PRKCE: variants seen among roughly 807,000 people sequenced by gnomAD.
PRKCE encodes the protein protein kinase C epsilon type.
A neutral mutation model predicts 85.4 loss-of-function variants in PRKCE; 16 were observed. The ratio of observed to expected loss-of-function variants is 0.19; its 90% CI spans 0.13 to 0.28. The LOEUF is 0.28. PRKCE is among the 10% of genes least tolerant of loss of function. PRKCE has a pLI of 1.00. For synonymous variants in PRKCE, 388 were observed against 371.5 expected, an observed-to-expected ratio of 1.04 and a Z score of -0.51; for missense variants, 573 against 975.2, an observed-to-expected ratio of 0.59 and a Z score of 5.49.
rs142545889 is a variant in PRKCE, at chr2:45,942,537, G to C, written c.413-33892G>C. On this transcript the variant is annotated intron_variant, in intron 2 of 14. Coordinates refer to ENST00000306156, the MANE Select transcript of PRKCE (RefSeq NM_005400.3). Reference sequence around the variant, plus strand: ...AGCCGTTGTGATGTGAAAGGTCCCTGTGGCTCTCATGAGGGGAACAGCAGG... The same window carrying C: ...AGCCGTTGTGATGTGAAAGGTCCCTCTGGCTCTCATGAGGGGAACAGCAGG... Among the ~76,000 whole-genome samples the C allele has an allele frequency of 5.8e-3, 888 of 152,328 alleles. 1 individual carries two copies. The highest frequency in any genetic ancestry group is 9.7e-3 in the Non-Finnish European group (658 of 68,026).
At chr2:46,101,445 A>G (rs12616930) in intron 11 of PRKCE, among the ~76,000 whole-genome samples, 40,594 of 152,078 alleles carry the variant, frequency 0.27, 5,636 homozygotes, top group South Asian at 0.42. Flanking sequence ...TGGCCCAAGG[A>G]GTGGGAATAG....
intron 2 of PRKCE, among the ~76,000 whole-genome samples, chr2:45,953,006 C>G (rs1700729362): frequency 6.6e-6 from 1 of 152,204 alleles, no homozygotes. Flanking sequence ...AGCCCGTTGC[C>G]TTTCTTGACA....
intron 11 of PRKCE, among the ~76,000 whole-genome samples, chr2:46,101,366 AAGTGACCACTCCC>A (rs1371415339): frequency 5.9e-5 from 9 of 152,216 alleles, no homozygotes; most frequent in Non-Finnish European, 1.3e-4. Flanking sequence ...TTTCTGGAGG[AAGTGACCACTCCC>A]GGAGAGATCC....
Position 45,802,499 on chromosome 2 carries a change from C to T in PRKCE, c.349-40501C>T, listed in dbSNP as rs56704109. ...TGTGAATGTGTTTTGAAAACCTCAA[C>T]GGAGTAGACTATTATAAAGCCTTTC... is the stretch of plus-strand genomic sequence containing the variant. On this transcript the variant is annotated intron_variant, in intron 1 of 14. Coordinates refer to ENST00000306156, the MANE Select transcript of PRKCE (RefSeq NM_005400.3). Among the ~76,000 whole-genome samples, 393 of 152,200 alleles carry T rather than the reference C, an allele frequency of 2.6e-3. 15 individuals are homozygous for T. In the East Asian group the frequency reaches 0.066, roughly 26 times the overall value.
chr2:46,001,283 T>C lies in PRKCE; in HGVS notation c.824-121T>C. On this transcript the variant is annotated intron_variant, in intron 6 of 14. Transcript: ENST00000306156. The surrounding 1 kb of genome is among the most constrained non-coding windows in gnomAD (Gnocchi z 4.4). ...TATATATATATATATTTCTGTATTT[T>C]CCAAATTATATCTTAAATGAACATG... The C allele has an allele frequency of 1.2e-6, 1 of 821,808 alleles. No homozygotes were observed. The highest frequency in any genetic ancestry group is 1.6e-6 in the Non-Finnish European group (1 of 615,266). The allele number at this position is 821,808 out of a possible 1,614,324, so 50.9% of individuals were successfully genotyped here. A position where few individuals can be genotyped will look rare whatever the true frequency, so the allele number is the denominator to read the frequency against.
At position 45,842,852 on chromosome 2, in the gene PRKCE, T is replaced by C. The variant is rs114720326; in HGVS notation, c.349-148T>C. 2.8e-5 allele frequency: 21 copies of C among 746,016 alleles called. No homozygotes were observed. In the African/African-American group the frequency reaches 3.1e-4, roughly 11 times the overall value. The allele number at this position is 746,016 out of a possible 1,614,324, so 46.2% of individuals were successfully genotyped here. A position where few individuals can be genotyped will look rare whatever the true frequency, so the allele number is the denominator to read the frequency against. ...ATGCATCAGTCCTCCCAGGTCTGCA[T>C]CTCACCTAGCACTCAACACATTGTA... On this transcript the variant is annotated intron_variant, in intron 1 of 14. Coordinates refer to ENST00000306156, the MANE Select transcript of PRKCE (RefSeq NM_005400.3).
At chr2:45,783,032 A>C (rs979044264) in intron 1 of PRKCE, among the ~76,000 whole-genome samples, 6 of 152,082 alleles carry the variant, frequency 3.9e-5, no homozygotes, top group Non-Finnish European at 8.8e-5. Context: ...ATTTATTTTC[A>C]TGCGCCTTCC....
intron 2 of PRKCE, among the ~76,000 whole-genome samples, chr2:45,892,071 C>T (rs1021636807): frequency 1.3e-5 from 2 of 152,374 alleles, no homozygotes; most frequent in East Asian, 3.9e-4. Flanking sequence ...TTTCCAGCTT[C>T]TCTCCATGTA....
At chr2:46,075,132 C>G (rs1396676575) in intron 10 of PRKCE, among the ~76,000 whole-genome samples, 1 of 152,126 alleles carries the variant, frequency 6.6e-6, no homozygotes, top group Non-Finnish European at 1.5e-5. Flanking sequence ...GCTCCGCCTC[C>G]TGGTTTCACG....
chr2:45,945,022 T>C (rs1385977934), intron 2 of PRKCE, among the ~76,000 whole-genome samples: 1 of 152,100 alleles, frequency 6.6e-6, no homozygotes, highest in African/African-American at 2.4e-5. Context: ...CTCTTTCAAC[T>C]TCCCCCCTTC....
chr2:45,958,248 G>A (rs1028017540), intron 2 of PRKCE, among the ~76,000 whole-genome samples: 5 of 147,850 alleles, frequency 3.4e-5, no homozygotes, highest in African/African-American at 5.0e-5. Flanking sequence ...GGTGGCTCAC[G>A]CCTGTAATCC....
intron 6 of PRKCE, among the ~76,000 whole-genome samples, chr2:45,995,859 C>G (rs1386176279): frequency 6.6e-6 from 1 of 152,120 alleles, no homozygotes; most frequent in Non-Finnish European, 1.5e-5. Flanking sequence ...GGTCTTTTGC[C>G]TCTCCATATA....
chr2:45,755,416 G>T (rs774221326), intron 1 of PRKCE, among the ~76,000 whole-genome samples: 5 of 152,184 alleles, frequency 3.3e-5, no homozygotes, highest in Non-Finnish European at 7.3e-5. Flanking sequence ...GAGTGTCATA[G>T]CAAATCTAAC....
intron 1 of PRKCE, among the ~76,000 whole-genome samples, chr2:45,818,025 C>G (rs1689224134): frequency 1.3e-5 from 2 of 152,208 alleles, no homozygotes; most frequent in Admixed American, 6.5e-5. Flanking sequence ...TCACTTCGAT[C>G]CTTAGAGTAT....
intron 11 of PRKCE, among the ~76,000 whole-genome samples, chr2:46,095,195 TG>T (rs1350343488): frequency 6.6e-6 from 1 of 152,240 alleles, no homozygotes; most frequent in Non-Finnish European, 1.5e-5. Flanking sequence ...CCCACTTAGT[TG>T]GGGAACCTCA....
Position 46,007,503 on chromosome 2 carries a change from T to C in PRKCE, c.1105T>C (p.Phe369Leu). 6.3e-7 allele frequency: 1 copy of C among 1,599,800 alleles called. No homozygotes were observed. The highest frequency in any genetic ancestry group is 1.7e-5 in the Admixed American group (1 of 60,032). ...GAACAACATTCGGAAAGCCTTGTCA[T>C]TTGACAACCGAGGAGAGGAGCACCG... Reference protein sequence around the residue: ...LENNIRKALSFDNRGEEHRAA... With the variant: ...LENNIRKALSLDNRGEEHRAA... The change falls in exon 9 of 15, where the codon TTT becomes CTT. Residue 369 changes from phenylalanine to leucine, a missense_variant. Physicochemically the swap from Phe to Leu is conservative, Grantham distance 22. Around this residue, in one of 11 missense-constraint regions of PRKCE, gnomAD observed 117 missense variants for 104.8 expected, o/e 1.12. Transcript: ENST00000306156.
chr2:45,832,381 T>C (rs1399094473), intron 1 of PRKCE, among the ~76,000 whole-genome samples: 1 of 151,796 alleles, frequency 6.6e-6, no homozygotes, highest in Non-Finnish European at 1.5e-5. Context: ...GAGGCAATTT[T>C]GGCTCACTGC....
chr2:45,980,578 G>C (rs1486310969), intron 5 of PRKCE, among the ~76,000 whole-genome samples, 197 bp downstream of exon 5: 1 of 152,206 alleles, frequency 6.6e-6, no homozygotes, highest in African/African-American at 2.4e-5. Context: ...GTCCAAGTCA[G>C]TTCTATCCCC....
At chr2:45,693,013 C>A (rs1677861246) in intron 1 of PRKCE, among the ~76,000 whole-genome samples, 1 of 152,100 alleles carries the variant, frequency 6.6e-6, no homozygotes, top group African/African-American at 2.4e-5. Flanking sequence ...AGACTTGAGG[C>A]TGACTGAGAG....
Sources: gnomAD v4.1 joint callset for allele counts (sites outside exome capture counted in the v4.1 genomes callset) on GRCh38, gnomAD v4.1.1 for gene constraint, gnomAD v4.1.1 regional missense constraint, Gnocchi (gnomAD v3.1) non-coding constraint, MANE v1.5 for transcripts, NCBI Gene and HGNC (gene_info 2026-07-23, HGNC 2026-07-21) for gene names.